The following CTNNA3 variants were observed in gnomAD, a reference collection of about 807,000 sequenced individuals.
CTNNA3 encodes the protein catenin alpha-3.
Under a neutral mutation model 95.7 loss-of-function variants are expected in CTNNA3, and 76 were observed. That is an observed-to-expected ratio of 0.79 (90% CI 0.66 to 0.96). The LOEUF (loss-of-function observed/expected upper bound fraction) is 0.96, where lower values mean the gene tolerates loss of function less well. Ranked by LOEUF, CTNNA3 falls within the 40% of genes least tolerant of loss-of-function variation. CTNNA3 has a pLI of 0.00. For synonymous variants in CTNNA3, 431 were observed against 374.4 expected (o/e 1.15, Z -1.74); for missense variants, 1,191 against 1,089.8 (o/e 1.09, Z -1.31).
chr10:67,004,107 C>G (rs921000256), intron 7 of CTNNA3, among the ~76,000 whole-genome samples: 8 of 151,410 alleles, frequency 5.3e-5, no homozygotes, highest in African/African-American at 1.7e-4. Context: ...AAAAAGCCAC[C>G]TGCCAAGATC....
intron 7 of CTNNA3, among the ~76,000 whole-genome samples, chr10:67,036,540 T>A (rs1437603679): frequency 6.6e-6 from 1 of 151,996 alleles, no homozygotes; most frequent in Non-Finnish European, 1.5e-5. Context: ...GGCAGCTTTT[T>A]AAAAAAATTT....
chr10:67,070,671 C>G (rs10997493), intron 7 of CTNNA3, among the ~76,000 whole-genome samples: 20,463 of 151,594 alleles, frequency 0.13, 1,811 homozygotes, highest in African/African-American at 0.26. Flanking sequence ...CGCTTGAACC[C>G]GGGAGGCGGA....
intron 1 of CTNNA3, among the ~76,000 whole-genome samples, chr10:67,706,927 C>G (rs906594750): frequency 1.3e-5 from 2 of 152,146 alleles, no homozygotes; most frequent in Admixed American, 1.3e-4. Flanking sequence ...AAAAGGAGCT[C>G]TTGATTTTTG....
intron 14 of CTNNA3, among the ~76,000 whole-genome samples, chr10:66,075,008 T>A (rs945418478): frequency 2.0e-5 from 3 of 151,878 alleles, no homozygotes; most frequent in Admixed American, 6.6e-5. Context: ...CAACCACATT[T>A]ACACAAATGC....
intron 9 of CTNNA3, among the ~76,000 whole-genome samples, chr10:66,656,783 G>A (rs1468781890): frequency 6.6e-6 from 1 of 152,008 alleles, no homozygotes; most frequent in African/African-American, 2.4e-5. Context: ...AATAAATTCA[G>A]ATGTTGGGGG....
At chr10:67,425,192 T>C (rs931534211) in intron 5 of CTNNA3, among the ~76,000 whole-genome samples, 1 of 152,148 alleles carries the variant, frequency 6.6e-6, no homozygotes, top group African/African-American at 2.4e-5. Context: ...GCTCATTTTG[T>C]GGTGTCTTTC....
intron 11 of CTNNA3, among the ~76,000 whole-genome samples, chr10:66,395,756 T>TA (rs2092970751): frequency 6.6e-6 from 1 of 152,048 alleles, no homozygotes; most frequent in Non-Finnish European, 1.5e-5. Context: ...ATTGTTCTCT[T>TA]AAGAGTTCTC....
intron 3 of CTNNA3, among the ~76,000 whole-genome samples, chr10:67,592,213 A>G (rs768788309): frequency 1.1e-4 from 16 of 152,068 alleles, no homozygotes; most frequent in Non-Finnish European, 2.2e-4. Context: ...GACCCCTCTC[A>G]TTGCTGAGAG....
chr10:66,316,502 G>T (rs2092102046), intron 12 of CTNNA3, among the ~76,000 whole-genome samples: 1 of 152,012 alleles, frequency 6.6e-6, no homozygotes, highest in Non-Finnish European at 1.5e-5. Flanking sequence ...AAGGGAACCA[G>T]CCCTGAACAG....
At chr10:67,663,253 G>T (rs1840240672) in intron 1 of CTNNA3, among the ~76,000 whole-genome samples, 1 of 151,954 alleles carries the variant, frequency 6.6e-6, no homozygotes, top group Non-Finnish European at 1.5e-5. Flanking sequence ...ACCTATCTAT[G>T]TGTTTACAAA....
intron 13 of CTNNA3, among the ~76,000 whole-genome samples, chr10:66,187,987 T>A (rs1360990591): frequency 3.3e-5 from 5 of 151,888 alleles, no homozygotes; most frequent in African/African-American, 1.2e-4. Context: ...TCAAAGAAAA[T>A]TATGGAAGTA....
At chr10:66,838,010 C>T (rs955047283) in intron 7 of CTNNA3, among the ~76,000 whole-genome samples, 1 of 152,038 alleles carries the variant, frequency 6.6e-6, no homozygotes, top group African/African-American at 2.4e-5. Flanking sequence ...TCTGAAGAGT[C>T]TTCATTATTC....
At chr10:67,497,801 T>C (rs1442494419) in intron 5 of CTNNA3, among the ~76,000 whole-genome samples, 1 of 152,124 alleles carries the variant, frequency 6.6e-6, no homozygotes, top group East Asian at 1.9e-4. Context: ...TCTTGTAAAT[T>C]TGTTTAAGTT....
intron 5 of CTNNA3, among the ~76,000 whole-genome samples, chr10:67,293,536 C>CT (rs1839916053): frequency 6.6e-6 from 1 of 151,790 alleles, no homozygotes; most frequent in African/African-American, 2.4e-5. Context: ...TTTTATTATA[C>CT]TTTAAGTTTT....
At chr10:66,806,011 G>T (rs150280679) in intron 7 of CTNNA3, among the ~76,000 whole-genome samples, 2 of 152,088 alleles carry the variant, frequency 1.3e-5, no homozygotes, top group East Asian at 3.9e-4. Flanking sequence ...ATTCATAAGG[G>T]TAATTTGAAC....
At chr10:66,825,392 CAGCCTCCCAAGT>C (rs1842471036) in intron 7 of CTNNA3, among the ~76,000 whole-genome samples, 2 of 151,594 alleles carry the variant, frequency 1.3e-5, no homozygotes, top group South Asian at 4.2e-4. Flanking sequence ...TCTCCTGCCT[CAGCCTCCCAAGT>C]AGCTGGGATT....
chr10:67,199,273 G>A (rs933832683), intron 6 of CTNNA3, among the ~76,000 whole-genome samples: 4 of 152,164 alleles, frequency 2.6e-5, no homozygotes, highest in African/African-American at 7.2e-5. Flanking sequence ...GGATAACTGT[G>A]GAGGTACCTG....
chr10:67,040,737 G>A (rs1436622041), intron 7 of CTNNA3, among the ~76,000 whole-genome samples: 1 of 151,950 alleles, frequency 6.6e-6, no homozygotes. Context: ...CAAGATGTCA[G>A]GAAAAAATGC....
At chr10:67,325,326 G>C (rs1316234081) in intron 5 of CTNNA3, among the ~76,000 whole-genome samples, 2 of 152,018 alleles carry the variant, frequency 1.3e-5, no homozygotes, top group African/African-American at 4.8e-5. Context: ...TGTGGTGTTA[G>C]GTTGTTAACT....
Sources: allele counts gnomAD v4.1 joint callset (sites outside exome capture counted in the v4.1 genomes callset), GRCh38; gene constraint gnomAD v4.1.1; transcripts MANE v1.5; gene names NCBI Gene and HGNC (gene_info 2026-07-23, HGNC 2026-07-21).